Variants in SFXN5 observed in about 807,000 individuals in gnomAD.
SFXN5 encodes the protein sideroflexin 5.
In SFXN5, 43 loss-of-function variants were observed where a neutral mutation model predicts 50.2. The observed-to-expected ratio is 0.86, with a 90% confidence interval of 0.67 to 1.11. SFXN5 has a LOEUF of 1.11. Among genes scored for constraint, SFXN5 ranks in the 50% least tolerant of loss-of-function variants. The pLI is 0.00. For missense variants in SFXN5, 463 were observed against 454.1 expected (o/e 1.02, Z -0.18); for synonymous variants, 203 against 185.8 (o/e 1.09, Z -0.75).
intron 6 of SFXN5, among the ~76,000 whole-genome samples, chr2:73,006,526 G>C (rs919586616): frequency 6.6e-6 from 1 of 151,844 alleles, no homozygotes; most frequent in African/African-American, 2.4e-5. Context: ...GGAGGCTGAG[G>C]CACACGAACT....
At chr2:72,947,483 A>G (rs1441355980) in intron 13 of SFXN5, among the ~76,000 whole-genome samples, 1 of 152,234 alleles carries the variant, frequency 6.6e-6, no homozygotes, top group Admixed American at 6.5e-5. Flanking sequence ...AGGAGGCACC[A>G]GGCCTCTTGC....
intron 4 of SFXN5, 87 bp downstream of exon 4, chr2:73,023,101 G>C (rs1677105920): frequency 2.9e-6 from 4 of 1,383,648 alleles, no homozygotes; most frequent in Non-Finnish European, 4.0e-6. Flanking sequence ...GCCACCGGAG[G>C]GGGGCTTCCA....
intron 3 of SFXN5, among the ~76,000 whole-genome samples, chr2:73,038,988 G>A (rs566310838): frequency 1.1e-3 from 164 of 152,198 alleles, no homozygotes; most frequent in African/African-American, 3.5e-3. Context: ...GTGCAGTGGC[G>A]TGATCTCGAC....
chr2:73,015,464 T>C (rs756282355), intron 6 of SFXN5, among the ~76,000 whole-genome samples: 1 of 152,142 alleles, frequency 6.6e-6, no homozygotes, highest in Non-Finnish European at 1.5e-5. Context: ...ACTGGGAAGA[T>C]TTCCTTTTTT....
At chr2:72,977,007 G>T (rs755634241) in intron 10 of SFXN5, among the ~76,000 whole-genome samples, 1 of 152,214 alleles carries the variant, frequency 6.6e-6, no homozygotes, top group East Asian at 1.9e-4. Flanking sequence ...CACGGGCAGT[G>T]ACTGGTCTAG....
intron 6 of SFXN5, among the ~76,000 whole-genome samples, chr2:73,002,690 C>G (rs1433258413): frequency 6.6e-6 from 1 of 152,008 alleles, no homozygotes; most frequent in East Asian, 1.9e-4. Context: ...CACACACACA[C>G]AATCTATATT....
chr2:73,005,268 C>T lies in SFXN5; in HGVS notation c.358-3690G>A, dbSNP rs1674481952. Among the ~76,000 whole-genome samples the T allele has an allele frequency of 2.6e-5, 4 of 152,236 alleles. No individual in the cohort carries two copies. In the South Asian group the frequency reaches 8.3e-4, roughly 32 times the overall value. On this transcript the variant is annotated intron_variant, in intron 6 of 13. Coordinates refer to ENST00000272433, the MANE Select transcript of SFXN5 (RefSeq NM_144579.3). ...TTATAGTTCATAACATGGCTGAAGT[C>T]CCCTCTGCCGCTCCAGCCCCCTGGC...
intron 3 of SFXN5, among the ~76,000 whole-genome samples, chr2:73,035,885 GCAAA>G (rs935326923): frequency 6.6e-6 from 1 of 152,182 alleles, no homozygotes; most frequent in Non-Finnish European, 1.5e-5. Flanking sequence ...GCCATCAGGA[GCAAA>G]CAAACAATCA....
At position 72,971,393 on chromosome 2, in the gene SFXN5, G is replaced by A. The variant is rs371510642; in HGVS notation, c.741+177C>T. On this transcript the variant is annotated intron_variant, in intron 11 of 13. Coordinates refer to ENST00000272433, the MANE Select transcript of SFXN5 (RefSeq NM_144579.3). Reference sequence around the variant, plus strand: ...TGAGACCATGTCCAGGGGAACATGCGGGAGGCCAGAGGCCCAGACTCATGC... The same window carrying A: ...TGAGACCATGTCCAGGGGAACATGCAGGAGGCCAGAGGCCCAGACTCATGC... 1.9e-3 allele frequency among the ~76,000 whole-genome samples: 286 copies of A among 152,098 alleles called. 8 individuals carry two copies. The South Asian group carries it at 0.057, about 30-fold the overall frequency.
chr2:73,005,873 CTG>C (rs1201707159), intron 6 of SFXN5, among the ~76,000 whole-genome samples: 7 of 151,154 alleles, frequency 4.6e-5, no homozygotes. Flanking sequence ...CTCTGCTGGA[CTG>C]GGACAATGCA....
intron 6 of SFXN5, among the ~76,000 whole-genome samples, chr2:73,015,973 G>A (rs978284947): frequency 1.3e-5 from 2 of 150,142 alleles, no homozygotes; most frequent in Admixed American, 6.6e-5. Context: ...TCTATATTTC[G>A]TCTTTCTAGG....
chr2:73,002,066 G>A (rs1028411153), intron 6 of SFXN5, among the ~76,000 whole-genome samples: 2 of 152,204 alleles, frequency 1.3e-5, no homozygotes, highest in Non-Finnish European at 2.9e-5. Context: ...GGATTTTTGC[G>A]AGGATTAAAC....
intron 12 of SFXN5, among the ~76,000 whole-genome samples, chr2:72,964,126 G>A (rs1348509883): frequency 4.6e-5 from 7 of 152,248 alleles, no homozygotes; most frequent in African/African-American, 9.6e-5. Flanking sequence ...GGCCAGAGGC[G>A]AAGCAAGGCA....
At chr2:73,004,773 G>A (rs547320289) in intron 6 of SFXN5, among the ~76,000 whole-genome samples, 1 of 152,262 alleles carries the variant, frequency 6.6e-6, no homozygotes, top group South Asian at 2.1e-4. Flanking sequence ...AGTCAGGCGG[G>A]GACCAAAAGC....
intron 9 of SFXN5, among the ~76,000 whole-genome samples, chr2:72,993,568 T>C (rs770441110): frequency 2.6e-4 from 39 of 152,196 alleles, no homozygotes; most frequent in Non-Finnish European, 5.3e-4. Context: ...CAACTTGTCC[T>C]ACCTAGAAAA....
chr2:73,010,118 G>T (rs187532794), intron 6 of SFXN5, among the ~76,000 whole-genome samples: 5 of 152,248 alleles, frequency 3.3e-5, no homozygotes, highest in Admixed American at 3.3e-4. Flanking sequence ...AGTTATTATG[G>T]CATTCTTGTT....
chr2:72,951,418 G>A (rs1216746558), intron 13 of SFXN5, among the ~76,000 whole-genome samples: 2 of 152,180 alleles, frequency 1.3e-5, no homozygotes, highest in Non-Finnish European at 2.9e-5. Flanking sequence ...CTTGTGGTGT[G>A]GGAAGGGTTA....
intron 3 of SFXN5, among the ~76,000 whole-genome samples, chr2:73,031,307 A>T (rs1215281369): frequency 6.6e-6 from 1 of 152,212 alleles, no homozygotes; most frequent in Middle Eastern, 3.2e-3. Context: ...GCTGTGAGCC[A>T]GTGCAAGGAT....
At chr2:73,020,202 T>G (rs1407848683) in intron 6 of SFXN5, 37 bp downstream of exon 6, 1 of 1,599,158 alleles carries the variant, frequency 6.3e-7, no homozygotes, top group East Asian at 2.2e-5. Context: ...TTAAAATAAT[T>G]TTTTAGAAAA....
Sources: gnomAD v4.1 joint callset for allele counts (sites outside exome capture counted in the v4.1 genomes callset) on GRCh38, gnomAD v4.1.1 for gene constraint, MANE v1.5 for transcripts, NCBI Gene and HGNC (gene_info 2026-07-23, HGNC 2026-07-21) for gene names.